Variants in TMEM178B observed in about 807,000 individuals in gnomAD.
The protein encoded by TMEM178B is transmembrane protein 178B.
TMEM178B carries 5 observed loss-of-function variants against 31.0 expected under a neutral mutation model. The ratio of observed to expected loss-of-function variants is 0.16; its 90% CI spans 0.08 to 0.34. TMEM178B has a LOEUF of 0.34. Ranked by LOEUF, TMEM178B falls within the 10% of genes least tolerant of loss-of-function variation. The pLI, the probability that TMEM178B is intolerant of heterozygous loss-of-function variation, is 1.00. For synonymous variants in TMEM178B, 164 were observed against 164.0 expected (o/e 1.00, Z 0.00); for missense variants, 275 against 400.3 (o/e 0.69, Z 2.67).
chr7:141,363,119 G>T (rs917177184), intron 2 of TMEM178B, among the ~76,000 whole-genome samples: 1 of 152,124 alleles, frequency 6.6e-6, no homozygotes, highest in East Asian at 1.9e-4. Flanking sequence ...AGTCCCAAGG[G>T]CCCTAACACC....
At chr7:141,184,271 A>T (rs1796573873) in intron 1 of TMEM178B, among the ~76,000 whole-genome samples, 2 of 152,124 alleles carry the variant, frequency 1.3e-5, no homozygotes, top group African/African-American at 4.8e-5. Flanking sequence ...GATTGATGTG[A>T]TAGATCTGCA....
chr7:141,156,229 C>A (rs1000121870), intron 1 of TMEM178B, among the ~76,000 whole-genome samples: 4 of 152,202 alleles, frequency 2.6e-5, no homozygotes, highest in African/African-American at 9.6e-5. Context: ...AGATCAATTA[C>A]CTTCCTTGTG....
intron 2 of TMEM178B, 170 bp downstream of exon 2, chr7:141,212,874 T>C (rs1797071876): frequency 1.8e-6 from 1 of 544,642 alleles, no homozygotes; most frequent in Non-Finnish European, 3.2e-6. Flanking sequence ...TTGGTTTTGA[T>C]TGCATTATAA....
intron 2 of TMEM178B, among the ~76,000 whole-genome samples, chr7:141,354,699 C>T (rs938732379): frequency 6.6e-6 from 1 of 152,180 alleles, no homozygotes; most frequent in Non-Finnish European, 1.5e-5. Context: ...ATCTTTATGT[C>T]CCACACTCTC....
At chr7:141,483,301 GTTCCT>G (rs1802508506), downstream of TMEM178B, among the ~76,000 whole-genome samples, 1 of 152,144 alleles carries the variant, frequency 6.6e-6, no homozygotes, top group Non-Finnish European at 1.5e-5. Flanking sequence ...CCACATGAGA[GTTCCT>G]TTCATGTATC....
intron 2 of TMEM178B, among the ~76,000 whole-genome samples, chr7:141,369,442 C>G (rs568980595): frequency 2.0e-4 from 31 of 151,996 alleles, no homozygotes; most frequent in Non-Finnish European, 3.5e-4. Context: ...TTGGCTCTGC[C>G]TTTCTCTCAA....
chr7:141,202,332 G>A (rs1287024789), intron 1 of TMEM178B, among the ~76,000 whole-genome samples: 2 of 143,386 alleles, frequency 1.4e-5, no homozygotes, highest in Non-Finnish European at 3.0e-5. Context: ...AGGTGTTTAG[G>A]GGCAAGGTAA....
chr7:141,501,122 A>G, the TMEM178B span, among the ~76,000 whole-genome samples: 1 of 152,106 alleles, frequency 6.6e-6, no homozygotes, highest in African/African-American at 2.4e-5. Context: ...CTGGGGCTTC[A>G]AGATCAGAAT....
chr7:141,284,904 A>C (rs1342887033), intron 2 of TMEM178B, among the ~76,000 whole-genome samples: 2 of 152,126 alleles, frequency 1.3e-5, no homozygotes, highest in African/African-American at 2.4e-5. Context: ...GGAGCCAAGA[A>C]GGTTGAGAAT....
At chr7:141,280,206 T>C (rs1009501531) in intron 2 of TMEM178B, among the ~76,000 whole-genome samples, 2 of 152,196 alleles carry the variant, frequency 1.3e-5, no homozygotes, top group African/African-American at 2.4e-5. Flanking sequence ...AGCATGATTT[T>C]TTTTTTTCAT....
At chr7:141,459,809 G>C (rs1802030943) in intron 3 of TMEM178B, among the ~76,000 whole-genome samples, 1 of 152,050 alleles carries the variant, frequency 6.6e-6, no homozygotes, top group South Asian at 2.1e-4. Context: ...GTTTGTAAAG[G>C]CTCTAGCTTC....
At chr7:141,508,770 G>A in the TMEM178B span, among the ~76,000 whole-genome samples, 4 of 152,134 alleles carry the variant, frequency 2.6e-5, no homozygotes, top group Non-Finnish European at 5.9e-5. Context: ...GAATCGCACA[G>A]GAAAGACTGG....
the TMEM178B span, among the ~76,000 whole-genome samples, chr7:141,494,170 A>G: frequency 6.6e-6 from 1 of 152,354 alleles, no homozygotes; most frequent in South Asian, 2.1e-4. Flanking sequence ...TTTGGAAAGT[A>G]CTTATCTACC....
chr7:141,510,707 A>AAAG, the TMEM178B span, among the ~76,000 whole-genome samples: 1 of 136,000 alleles, frequency 7.4e-6, no homozygotes, highest in Admixed American at 7.0e-5. Context: ...AAAAAAAAAA[A>AAAG]AAAAAGAAAA....
Position 141,082,316 on chromosome 7 carries a change from T to C in TMEM178B, c.382+7624T>C, listed in dbSNP as rs12534512. Among the ~76,000 whole-genome samples the C allele has an allele frequency of 7.0e-3, 1,070 of 152,328 alleles. 5 individuals are homozygous for C. The highest frequency in any genetic ancestry group is 0.011 in the Non-Finnish European group (762 of 68,028). ...TTAGCTGAGGGACCTCCACAGGCTC[T>C]TTCTTTCTGCATTCTTTATTGAATT... is the stretch of plus-strand genomic sequence containing the variant. On this transcript the variant is annotated intron_variant, in intron 1 of 3. Coordinates refer to ENST00000565468, the MANE Select transcript of TMEM178B (RefSeq NM_001195278.2).
At chr7:141,431,637 C>A (rs1175252885) in intron 2 of TMEM178B, among the ~76,000 whole-genome samples, 2 of 152,242 alleles carry the variant, frequency 1.3e-5, no homozygotes, top group East Asian at 3.8e-4. Context: ...CCTTTGCCTG[C>A]AGAGTCAAAC....
intron 2 of TMEM178B, among the ~76,000 whole-genome samples, chr7:141,237,311 G>A (rs1217373794): frequency 6.6e-6 from 1 of 152,286 alleles, no homozygotes; most frequent in South Asian, 2.1e-4. Context: ...AATTCAAATT[G>A]TTCATCACTA....
chr7:141,231,690 C>A (rs1309600983), intron 2 of TMEM178B, among the ~76,000 whole-genome samples: 2 of 152,204 alleles, frequency 1.3e-5, no homozygotes, highest in Non-Finnish European at 2.9e-5. Context: ...TGCACAGTGG[C>A]ATGGCTCCCT....
rs1554478054 is a variant in TMEM178B, at chr7:141,344,578, T to TCCTTCCTTCCTC, written c.497-93019_497-93018insCCCTTCCTTCCT. ...CTCCCTCCATTCCTCCCTCCTCCCT[T>TCCTTCCTTCCTC]CCTTCCTTCCTTCCTTCCTTCCTTC... On this transcript the variant is annotated intron_variant, in intron 2 of 3. Transcript: ENST00000565468. This position sits in a 1 kb window ranked among gnomAD's most constrained non-coding sequence, Gnocchi z 4.1. Among the ~76,000 whole-genome samples, 3 of 18,608 alleles carry TCCTTCCTTCCTC rather than the reference T, an allele frequency of 1.6e-4. No individual in the cohort carries two copies. The highest frequency in any genetic ancestry group is 3.7e-4 in the African/African-American group (2 of 5,378). The allele number at this position is 18,608 out of a possible 152,430, so 12.2% of individuals were successfully genotyped here. A position where few individuals can be genotyped will look rare whatever the true frequency, so the allele number is the denominator to read the frequency against.
Sources: allele counts gnomAD v4.1 joint callset (sites outside exome capture counted in the v4.1 genomes callset), GRCh38; gene constraint gnomAD v4.1.1; non-coding constraint Gnocchi (gnomAD v3.1); transcripts MANE v1.5; gene names NCBI Gene and HGNC (gene_info 2026-07-23, HGNC 2026-07-21).